TMEM45A: variants seen among roughly 807,000 people sequenced by gnomAD.
TMEM45A encodes the protein DNA polymerase-transactivated protein 4.
A neutral mutation model predicts 32.0 loss-of-function variants in TMEM45A; 25 were observed. That is an observed-to-expected ratio of 0.78 (90% CI 0.57 to 1.09). The LOEUF (loss-of-function observed/expected upper bound fraction) is 1.09, where lower values mean the gene tolerates loss of function less well. Among genes scored for constraint, TMEM45A ranks in the 50% least tolerant of loss-of-function variants. The pLI is 0.00. For missense variants in TMEM45A, 302 were observed against 325.0 expected, an observed-to-expected ratio of 0.93 and a Z score of 0.54; for synonymous variants, 122 against 114.8, an observed-to-expected ratio of 1.06 and a Z score of -0.40.
intron 1 of TMEM45A, among the ~76,000 whole-genome samples, chr3:100,545,502 G>A (rs1219678752): frequency 6.6e-6 from 1 of 152,106 alleles, no homozygotes; most frequent in African/African-American, 2.4e-5. Flanking sequence ...TCTCCTGCAT[G>A]TTCCTTCCAA....
intron 1 of TMEM45A, among the ~76,000 whole-genome samples, chr3:100,508,674 A>T (rs1279542448): frequency 6.6e-6 from 1 of 152,192 alleles, no homozygotes; most frequent in African/African-American, 2.4e-5. Flanking sequence ...CAGTCAACTG[A>T]TTTTCAACAA....
chr3:100,573,318 T>C (rs1332058029), intron 5 of TMEM45A: 2 of 151,974 alleles, frequency 1.3e-5, no homozygotes, highest in Non-Finnish European at 2.9e-5. Context: ...GTCCTTCACA[T>C]CCCTTGTAAG....
At chr3:100,537,406 C>G (rs1489024887) in intron 1 of TMEM45A, among the ~76,000 whole-genome samples, 1 of 152,164 alleles carries the variant, frequency 6.6e-6, no homozygotes, top group Non-Finnish European at 1.5e-5. Flanking sequence ...CAAATCATTT[C>G]CTTGTTTTTG....
At chr3:100,523,817 T>TCC (rs1392323267) in intron 1 of TMEM45A, among the ~76,000 whole-genome samples, 1 of 83,334 alleles carries the variant, frequency 1.2e-5, no homozygotes, top group East Asian at 3.3e-4. Context: ...CTCCTCCTCC[T>TCC]TCTTCTTTTT....
At chr3:100,527,106 A>G (rs1053833982) in intron 1 of TMEM45A, among the ~76,000 whole-genome samples, 2 of 152,192 alleles carry the variant, frequency 1.3e-5, no homozygotes, top group African/African-American at 2.4e-5. Context: ...CTTTCTTTCT[A>G]TTGATCTCTT....
chr3:100,519,578 A>C (rs1371846937), intron 1 of TMEM45A: 1 of 1,551,090 alleles, frequency 6.4e-7, no homozygotes, highest in South Asian at 1.2e-5. Context: ...CCAATGACTC[A>C]GAAGGGAAAA....
At chr3:100,530,606 A>T (rs1355489066) in intron 1 of TMEM45A, among the ~76,000 whole-genome samples, 1 of 152,218 alleles carries the variant, frequency 6.6e-6, no homozygotes, top group Admixed American at 6.5e-5. Context: ...ACAATTTTGA[A>T]GCTAATCCAA....
intron 1 of TMEM45A, among the ~76,000 whole-genome samples, chr3:100,538,238 A>T (rs1215254278): frequency 6.6e-6 from 1 of 152,234 alleles, no homozygotes; most frequent in African/African-American, 2.4e-5. Context: ...TTGCTCAAAA[A>T]TATTCTATTG....
At chr3:100,495,754 C>T (rs1365858665) in intron 1 of TMEM45A, among the ~76,000 whole-genome samples, 4 of 152,082 alleles carry the variant, frequency 2.6e-5, no homozygotes, top group South Asian at 2.1e-4. Context: ...GGAGTCATTC[C>T]ATGGTGGCTG....
At chr3:100,537,570 C>G (rs936763740) in intron 1 of TMEM45A, among the ~76,000 whole-genome samples, 1 of 152,166 alleles carries the variant, frequency 6.6e-6, no homozygotes, top group African/African-American at 2.4e-5. Flanking sequence ...CCAAAATACG[C>G]TCCAGTGTCC....
chr3:100,519,385 GCA>G (rs1297391297), intron 1 of TMEM45A: 116 of 577,308 alleles, frequency 2.0e-4, no homozygotes, highest in Admixed American at 1.5e-3. Flanking sequence ...GTGTGTGTGT[GCA>G]TGTGTGTGTG....
intron 1 of TMEM45A, among the ~76,000 whole-genome samples, chr3:100,531,443 C>G (rs1705646164): frequency 6.6e-6 from 1 of 152,146 alleles, no homozygotes; most frequent in Non-Finnish European, 1.5e-5. Flanking sequence ...TCAATGAACT[C>G]AGAGCTGGAG....
At chr3:100,564,285 T>C (rs191478313) in intron 4 of TMEM45A, among the ~76,000 whole-genome samples, 1 of 152,240 alleles carries the variant, frequency 6.6e-6, no homozygotes, top group Admixed American at 6.5e-5. Flanking sequence ...ATCACTCCAC[T>C]TGGTCAGGAA....
At chr3:100,557,756 AG>A (rs1302699303) in intron 3 of TMEM45A, among the ~76,000 whole-genome samples, 1 of 152,206 alleles carries the variant, frequency 6.6e-6, no homozygotes, top group Non-Finnish European at 1.5e-5. Context: ...TCATTATCTC[AG>A]GGGGTTACCG....
chr3:100,551,960 T>C (rs4928065), intron 1 of TMEM45A, among the ~76,000 whole-genome samples: 54,916 of 151,964 alleles, frequency 0.36, 10,748 homozygotes, highest in Middle Eastern at 0.47. Context: ...TGCTGAGATA[T>C]ACTGATCCTC....
At chr3:100,558,649 T>C in intron 4 of TMEM45A, 60 bp downstream of exon 4, 4 of 1,559,968 alleles carry the variant, frequency 2.6e-6, no homozygotes, top group Non-Finnish European at 3.5e-6. Flanking sequence ...CTCTGTTTAT[T>C]TGATGAGGCA....
intron 4 of TMEM45A, among the ~76,000 whole-genome samples, chr3:100,567,518 C>CAAAAA (rs780009246): frequency 0.066 from 4,208 of 63,412 alleles, 739 homozygotes; most frequent in African/African-American, 0.22. Context: ...ACCATTTCTG[C>CAAAAA]AAAAAAAAAA....
At position 100,558,334 on chromosome 3, in the gene TMEM45A, A is replaced by G. The variant is rs1706263496; in HGVS notation, c.404-71A>G. The G allele has an allele frequency of 3.8e-6, 6 of 1,573,780 alleles. No individual in the cohort carries two copies. In the South Asian group the frequency reaches 6.8e-5, roughly 18 times the overall value. ...TATGTGTAAAATTCTGTCTACGGAG[A>G]GAGGGAGAGAGAGAAACAGTGGGTG... On this transcript the variant is annotated intron_variant, in intron 3 of 5. Transcript: ENST00000323523.
At chr3:100,495,570 G>A (rs1362849582) in intron 1 of TMEM45A, among the ~76,000 whole-genome samples, 1 of 152,162 alleles carries the variant, frequency 6.6e-6, no homozygotes, top group Non-Finnish European at 1.5e-5. Flanking sequence ...TGGGGAGATG[G>A]CAAGCCGAAC....
Sources: gnomAD v4.1 joint callset for allele counts (sites outside exome capture counted in the v4.1 genomes callset) on GRCh38, gnomAD v4.1.1 for gene constraint, MANE v1.5 for transcripts, NCBI Gene and HGNC (gene_info 2026-07-23, HGNC 2026-07-21) for gene names.